The following VPS13A variants were observed in gnomAD, a reference collection of about 807,000 sequenced individuals.
The protein encoded by VPS13A is vacuolar protein sorting 13 homolog A, also known as intermembrane lipid transfer protein VPS13A.
Under a neutral mutation model 390.9 loss-of-function variants are expected in VPS13A, and 264 were observed. The ratio of observed to expected loss-of-function variants is 0.68; its 90% CI spans 0.61 to 0.75. The LOEUF (loss-of-function observed/expected upper bound fraction) is 0.75, where lower values mean the gene tolerates loss of function less well. Among genes scored for constraint, VPS13A ranks in the 30% least tolerant of loss-of-function variants. The pLI, the probability that VPS13A is intolerant of heterozygous loss-of-function variation, is 0.00. For missense variants in VPS13A, 3,409 were observed against 3,733.9 expected (o/e 0.91, Z 2.27); for synonymous variants, 1,231 against 1,227.1 (o/e 1.00, Z -0.07).
chr9:77,395,956 C>G (rs1044037586), intron 68 of VPS13A: 1 of 152,136 alleles, frequency 6.6e-6, no homozygotes, highest in African/African-American at 2.4e-5. Flanking sequence ...GTGATTTGAA[C>G]TGCTCTGAAT....
chr9:77,260,255 T>C, intron 23 of VPS13A, 31 bp downstream of exon 23: 2 of 1,605,498 alleles, frequency 1.2e-6, no homozygotes, highest in Non-Finnish European at 1.7e-6. Flanking sequence ...AATATAAGCA[T>C]GAATTAAGAA....
In VPS13A at chr9:77,276,164, G is replaced by A. The variant is rs777546652; in HGVS notation, c.2767G>A (p.Asp923Asn). The change falls in exon 26 of 72, where the codon GAT (aspartate) becomes AAT (asparagine). Residue 923 changes from aspartate (D) to asparagine (N), a missense_variant. Physicochemically the swap from Asp to Asn is conservative, Grantham distance 23. Transcript: ENST00000360280. Reference sequence around the variant, plus strand: ...TGCAGAAATTGAGATTAGAACATACGATTTGAAAGCAAATGCCTTTTTGAA... The same window carrying A: ...TGCAGAAATTGAGATTAGAACATACAATTTGAAAGCAAATGCCTTTTTGAA... ...LGAEIEIRTY[D>N]LKANAFLKEF... 2.2e-5 allele frequency: 35 copies of A among 1,610,878 alleles called. No homozygotes were observed. Among genetic ancestry groups the A allele is most frequent in the Admixed American group, 8.3e-5 (5 of 59,966 alleles).
At chr9:77,257,207 T>G (rs1304025242) in intron 22 of VPS13A, among the ~76,000 whole-genome samples, 1 of 152,128 alleles carries the variant, frequency 6.6e-6, no homozygotes, top group Non-Finnish European at 1.5e-5. Flanking sequence ...GTGTATAATA[T>G]CCTCAAGTTA....
Position 77,318,560 on chromosome 9 carries a change from TAATA to T in VPS13A, c.5286_5289del (p.Asn1763CysfsTer7). 1.2e-6 allele frequency: 2 copies of T among 1,613,824 alleles called. No individual in the cohort carries two copies. The highest frequency in any genetic ancestry group is 8.5e-7 in the Non-Finnish European group (1 of 1,179,844). ...GGGGAAGGCAAAAACTGGAGTTCCC[TAATA>T]AATCTGCACTGTCAGCTTGAGCTAG... On this transcript the variant is annotated frameshift_variant, in exon 41 of 72. Transcript: ENST00000360280. LOFTEE classifies it high-confidence loss of function.
At chr9:77,365,024 A>G (rs1832358209) in intron 59 of VPS13A, among the ~76,000 whole-genome samples, 1 of 152,188 alleles carries the variant, frequency 6.6e-6, no homozygotes, top group Non-Finnish European at 1.5e-5. Flanking sequence ...ACCACCAATC[A>G]ATTAATGCAA....
At chr9:77,339,442 C>G in intron 47 of VPS13A, 74 bp from the exon 48 acceptor site, 1 of 1,396,766 alleles carries the variant, frequency 7.2e-7, no homozygotes, top group Non-Finnish European at 9.7e-7. Context: ...ATTTGGAATA[C>G]ATAAATAGAA....
intron 69 of VPS13A, among the ~76,000 whole-genome samples, chr9:77,404,779 G>C (rs146939258): frequency 1.2e-3 from 186 of 152,298 alleles, no homozygotes; most frequent in Non-Finnish European, 1.5e-3. Flanking sequence ...AAGGATCTTT[G>C]AATCAGGACT....
At chr9:77,310,976 A>C (rs112317830) in intron 35 of VPS13A, among the ~76,000 whole-genome samples, 8,708 of 150,448 alleles carry the variant, frequency 0.058, 360 homozygotes, top group South Asian at 0.12. Context: ...CCCAGGCTGG[A>C]GTGTAGTGGT....
chr9:77,214,436 A>G, intron 10 of VPS13A, 50 bp downstream of exon 10: 1 of 1,473,486 alleles, frequency 6.8e-7, no homozygotes, highest in Non-Finnish European at 9.5e-7. Context: ...ATTGGTATAA[A>G]TTTTAAATTA....
At position 77,357,674 on chromosome 9, in the gene VPS13A, G is replaced by T. The variant is rs377305729; in HGVS notation, c.7807-18G>T. ...ATAGATAAATTAATTTTTTCATTTG[G>T]GGGGACATATTTTTCAGGTTCGCCT... On this transcript the variant is annotated intron_variant, in intron 55 of 71. Transcript: ENST00000360280. 1 of 1,611,312 alleles carries T rather than the reference G, an allele frequency of 6.2e-7. No individual in the cohort carries two copies. The highest frequency in any genetic ancestry group is 8.5e-7 in the Non-Finnish European group (1 of 1,178,732).
chr9:77,402,066 A>G (rs914321048), intron 68 of VPS13A, among the ~76,000 whole-genome samples: 1 of 152,146 alleles, frequency 6.6e-6, no homozygotes, highest in African/African-American at 2.4e-5. Flanking sequence ...ACTGTAATTC[A>G]TATTATTTTT....
At chr9:77,360,724 T>C in intron 59 of VPS13A, 83 bp downstream of exon 59, 1 of 1,038,016 alleles carries the variant, frequency 9.6e-7, no homozygotes, top group South Asian at 1.4e-5. Flanking sequence ...TAAAATGACT[T>C]TGTTGCATTT....
rs1472911093 is a variant in VPS13A at position 77,214,345 on chromosome 9, G to A, written c.713G>A (p.Gly238Asp). 15 of 1,612,788 alleles carry A rather than the reference G, an allele frequency of 9.3e-6. No individual in the cohort carries two copies. The highest frequency in any genetic ancestry group is 1.3e-5 in the Non-Finnish European group (15 of 1,179,060). ...TTTTAATAGGACGACTTGAAGAATG[G>A]CATTGTCAATGAAAATATTGTTCCA... ...YDNSLDDLKN[G>D]IVNENIVPEG... Residue 238 changes from glycine (G) to aspartate (D), a missense_variant, in exon 10 of 72, where the codon GGC (glycine) becomes GAC (aspartate). Coordinates refer to ENST00000360280, the MANE Select transcript of VPS13A (RefSeq NM_033305.3).
At chr9:77,339,967 T>C in intron 48 of VPS13A, 56 bp downstream of exon 48, 1 of 1,577,130 alleles carries the variant, frequency 6.3e-7, no homozygotes, top group Non-Finnish European at 8.6e-7. Context: ...CACTTTTTAG[T>C]TTTTAAAGTT....
Position 77,295,697 on chromosome 9 carries a change from G to T in VPS13A, c.3663G>T (p.Pro1221=). 6.2e-7 allele frequency: 1 copy of T among 1,613,972 alleles called. No homozygotes were observed. The highest frequency in any genetic ancestry group is 1.3e-5 in the African/African-American group (1 of 75,014). The part of the protein sequence containing the change: ...INIKAPVVVI[P]QSPVSENVFV... ...TCAAAGCCCCAGTTGTGGTCATCCC[G>T]CAGTCTCCAGTTTCTGAAAATGTTT... The change falls in exon 33 of 72, where the codon CCG becomes CCT. Residue 1221 remains proline (P), a synonymous_variant. Transcript: ENST00000360280.
At chr9:77,227,777 C>T (rs552227595) in intron 16 of VPS13A, among the ~76,000 whole-genome samples, 28 of 151,708 alleles carry the variant, frequency 1.8e-4, no homozygotes, top group South Asian at 8.3e-4. Context: ...TCAAGCAATC[C>T]GCCTGCCTCG....
chr9:77,416,304 G>C lies in VPS13A; in HGVS notation c.*298G>C. On this transcript the variant is annotated 3_prime_UTR_variant, in exon 72 of 72. Transcript: ENST00000360280. ...AAGAAGACAAAATTATGAATCTTAA[G>C]TATTTGCTCCATCTTTTTCTCTGTA... 5 of 326,480 alleles carry C rather than the reference G, an allele frequency of 1.5e-5. 1 individual carries two copies. The highest frequency in any genetic ancestry group is 1.5e-4 in the South Asian group (5 of 34,102). 20.2% of individuals were successfully genotyped at this position (326,480 alleles called of 1,614,324 possible).
chr9:77,366,955 T>A, intron 61 of VPS13A, 83 bp downstream of exon 61: 1 of 1,451,636 alleles, frequency 6.9e-7, no homozygotes, highest in Admixed American at 1.9e-5. Flanking sequence ...TGAAAAAGTG[T>A]GTGAAGTACG....
chr9:77,315,229 A>T, intron 37 of VPS13A, 24 bp from the exon 38 acceptor site: 4 of 1,597,948 alleles, frequency 2.5e-6, no homozygotes, highest in Non-Finnish European at 3.4e-6. Context: ...CATACATAGG[A>T]ATTGTTGTTA....
Sources: allele counts gnomAD v4.1 joint callset (sites outside exome capture counted in the v4.1 genomes callset), GRCh38; gene constraint gnomAD v4.1.1; transcripts MANE v1.5; gene names NCBI Gene and HGNC (gene_info 2026-07-23, HGNC 2026-07-21).